The following GRM8 variants were observed in gnomAD, a reference collection of about 807,000 sequenced individuals.
GRM8 encodes the protein glutamate metabotropic receptor 8, also known as metabotropic glutamate receptor 8.
Under a neutral mutation model 87.2 loss-of-function variants are expected in GRM8, and 47 were observed. The observed-to-expected ratio is 0.54, with a 90% CI of 0.43 to 0.69. The LOEUF is 0.69. Ranked by LOEUF, GRM8 falls within the 30% of genes least tolerant of loss-of-function variation. The pLI, the probability that GRM8 is intolerant of heterozygous loss-of-function variation, is 0.00. For missense variants in GRM8, 1,019 were observed against 1,139.2 expected, an observed-to-expected ratio of 0.89 and a Z score of 1.52; for synonymous variants, 396 against 404.5, an observed-to-expected ratio of 0.98 and a Z score of 0.25.
intron 9 of GRM8, chr7:126,512,574 C>G (rs182683765): frequency 6.6e-6 from 1 of 152,294 alleles, no homozygotes; most frequent in East Asian, 1.9e-4. Context: ...GCCTGATGCC[C>G]CCAGCTTGGG....
chr7:127,197,858 T>G (rs1795372953), intron 2 of GRM8, among the ~76,000 whole-genome samples: 1 of 152,212 alleles, frequency 6.6e-6, no homozygotes, highest in Non-Finnish European at 1.5e-5. Flanking sequence ...ACTCATACTC[T>G]ATAAACTTAC....
intron 6 of GRM8, among the ~76,000 whole-genome samples, chr7:126,775,485 T>TG (rs1585883778): frequency 1.7e-5 from 1 of 58,522 alleles, no homozygotes; most frequent in Non-Finnish European, 5.2e-5. Flanking sequence ...ATAGGTTTTT[T>TG]TTTTTTTTTT....
intron 6 of GRM8, among the ~76,000 whole-genome samples, chr7:126,897,408 G>C (rs1452870822): frequency 1.3e-5 from 2 of 152,116 alleles, no homozygotes; most frequent in Non-Finnish European, 2.9e-5. Flanking sequence ...GAAAAAATGA[G>C]GCAATGAAGG....
In GRM8 at chr7:126,971,044, A is replaced by T. The variant is rs28946578; in HGVS notation, c.728-66361T>A. Among the ~76,000 whole-genome samples, 71 of 152,120 alleles carry T rather than the reference A, an allele frequency of 4.7e-4. No homozygotes were observed. In the East Asian group the frequency reaches 0.013, roughly 28 times the overall value. ...ATAATAATAGTAAAAATAATTTGAA[A>T]TATCGGGAAAATTACCAAAATGTGA... On this transcript the variant is annotated intron_variant, in intron 3 of 10. Transcript: ENST00000339582.
intron 7 of GRM8, among the ~76,000 whole-genome samples, chr7:126,728,080 A>G (rs1227783739): frequency 3.3e-5 from 5 of 152,156 alleles, no homozygotes; most frequent in African/African-American, 1.2e-4. Flanking sequence ...AAAATTGTTG[A>G]GAACTTGTCT....
intron 2 of GRM8, among the ~76,000 whole-genome samples, chr7:127,124,979 T>C (rs1827282754): frequency 6.6e-6 from 1 of 152,134 alleles, no homozygotes; most frequent in African/African-American, 2.4e-5. Context: ...AGTCTCAGCT[T>C]ATTAAGACTA....
At chr7:126,974,575 T>A (rs1440150807) in intron 3 of GRM8, among the ~76,000 whole-genome samples, 6 of 152,060 alleles carry the variant, frequency 3.9e-5, no homozygotes, top group African/African-American at 1.4e-4. Flanking sequence ...TGAAATAAGG[T>A]AGCTGGAGAT....
At chr7:126,674,601 A>T (rs1009223406) in intron 7 of GRM8, among the ~76,000 whole-genome samples, 2 of 152,202 alleles carry the variant, frequency 1.3e-5, no homozygotes, top group African/African-American at 4.8e-5. Context: ...AAAATAAAAA[A>T]TAACTATAAT....
chr7:126,655,159 G>A (rs903168636), intron 7 of GRM8, among the ~76,000 whole-genome samples: 1 of 152,034 alleles, frequency 6.6e-6, no homozygotes, highest in Non-Finnish European at 1.5e-5. Flanking sequence ...CTTTTATATT[G>A]TCATAAAGAC....
intron 1 of GRM8, among the ~76,000 whole-genome samples, chr7:127,244,462 G>A (rs987342902): frequency 2.7e-5 from 4 of 150,906 alleles, no homozygotes; most frequent in African/African-American, 7.3e-5. Context: ...TTTTTCAAAC[G>A]ACTTTTGAAG....
intron 8 of GRM8, among the ~76,000 whole-genome samples, chr7:126,546,272 C>T (rs961850893): frequency 1.3e-5 from 2 of 152,154 alleles, no homozygotes; most frequent in African/African-American, 4.8e-5. Context: ...AGTTGATATG[C>T]ATCACATCAC....
intron 9 of GRM8, among the ~76,000 whole-genome samples, chr7:126,485,701 T>C (rs1166426089): frequency 1.3e-5 from 2 of 151,988 alleles, no homozygotes; most frequent in African/African-American, 2.4e-5. Context: ...TTAGCAGTTG[T>C]TAACCTTTTC....
At chr7:126,806,111 T>C (rs1051690193) in intron 6 of GRM8, among the ~76,000 whole-genome samples, 2 of 152,182 alleles carry the variant, frequency 1.3e-5, no homozygotes, top group Admixed American at 6.5e-5. Flanking sequence ...GTGGTGAGTG[T>C]TAAAGTTCTT....
At chr7:126,714,846 ACT>A (rs905552958) in intron 7 of GRM8, among the ~76,000 whole-genome samples, 86 of 152,224 alleles carry the variant, frequency 5.6e-4, no homozygotes, top group African/African-American at 2.0e-3. Flanking sequence ...ATATAAACAC[ACT>A]CTATTCTTAC....
chr7:127,007,880 T>C (rs193109815), intron 3 of GRM8, among the ~76,000 whole-genome samples: 154 of 152,132 alleles, frequency 1.0e-3, no homozygotes, highest in Middle Eastern at 3.4e-3. Flanking sequence ...TTATTGCAGA[T>C]TAACAATGTT....
chr7:126,770,089 C>T (rs372989217), intron 6 of GRM8, 24 bp from the exon 7 acceptor site: 426 of 1,532,598 alleles, frequency 2.8e-4, no homozygotes, highest in Non-Finnish European at 3.6e-4. Flanking sequence ...AAGTAAAAAC[C>T]ATCAGTTGAT....
At chr7:126,493,720 A>T (rs1808331457) in intron 9 of GRM8, among the ~76,000 whole-genome samples, 1 of 152,012 alleles carries the variant, frequency 6.6e-6, no homozygotes, top group African/African-American at 2.4e-5. Flanking sequence ...GTGCTTTTTC[A>T]TTTTCTAAGT....
intron 3 of GRM8, among the ~76,000 whole-genome samples, chr7:126,924,437 G>T (rs909744805): frequency 6.6e-6 from 1 of 152,114 alleles, no homozygotes; most frequent in Non-Finnish European, 1.5e-5. Context: ...TAATCCCTCT[G>T]GATCTCATGG....
intron 7 of GRM8, among the ~76,000 whole-genome samples, chr7:126,690,962 T>C (rs958881459): frequency 6.6e-6 from 1 of 152,112 alleles, no homozygotes; most frequent in Admixed American, 6.5e-5. Context: ...TGGGCAGCCA[T>C]GGGTGGGCCC....
Sources: allele counts gnomAD v4.1 joint callset (sites outside exome capture counted in the v4.1 genomes callset), GRCh38; gene constraint gnomAD v4.1.1; transcripts MANE v1.5; gene names NCBI Gene and HGNC (gene_info 2026-07-23, HGNC 2026-07-21).